SLC30A8: variants seen among roughly 807,000 people sequenced by gnomAD.
SLC30A8 encodes the protein solute carrier family 30 member 8, also known as proton-coupled zinc antiporter SLC30A8.
Under a neutral mutation model 36.9 loss-of-function variants are expected in SLC30A8, and 27 were observed. The observed-to-expected ratio is 0.73, with a 90% CI of 0.54 to 1.01. SLC30A8 has a LOEUF of 1.01. SLC30A8 is among the 50% of genes least tolerant of loss of function. The pLI is 0.00. For synonymous variants in SLC30A8, 164 were observed against 172.4 expected, an observed-to-expected ratio of 0.95 and a Z score of 0.38; for missense variants, 439 against 452.0, an observed-to-expected ratio of 0.97 and a Z score of 0.26.
chr8:117,150,361 C>T (rs1326348820), intron 2 of SLC30A8, among the ~76,000 whole-genome samples: 2 of 152,184 alleles, frequency 1.3e-5, no homozygotes, highest in African/African-American at 4.8e-5. Flanking sequence ...GGGGAATTAA[C>T]ACCATCTCAG....
At chr8:117,080,677 T>C (rs1818647018) in intron 2 of SLC30A8, among the ~76,000 whole-genome samples, 1 of 152,228 alleles carries the variant, frequency 6.6e-6, no homozygotes, top group African/African-American at 2.4e-5. Context: ...CATTCTTTTT[T>C]ATGGCTGCAT....
chr8:117,140,810 A>T (rs1821616954), intron 1 of SLC30A8, among the ~76,000 whole-genome samples: 1 of 152,124 alleles, frequency 6.6e-6, no homozygotes, highest in East Asian at 1.9e-4. Flanking sequence ...ATCATTCCTA[A>T]AAAATAATAG....
intron 2 of SLC30A8, among the ~76,000 whole-genome samples, chr8:117,066,525 C>A (rs1187873839): frequency 6.6e-6 from 1 of 152,068 alleles, no homozygotes; most frequent in Non-Finnish European, 1.5e-5. Flanking sequence ...ATCATCCTGA[C>A]CTCACACTCA....
chr8:116,960,726 T>C (rs1393880538), intron 1 of SLC30A8, among the ~76,000 whole-genome samples: 1 of 152,248 alleles, frequency 6.6e-6, no homozygotes, highest in East Asian at 1.9e-4. Context: ...TCTTTCTACT[T>C]GTGTAGGGTA....
chr8:116,999,687 TCCTGTTTCTGATA>T, intron 1 of SLC30A8, among the ~76,000 whole-genome samples: 1 of 152,322 alleles, frequency 6.6e-6, no homozygotes, highest in Admixed American at 6.5e-5. Flanking sequence ...AAATGAGGTT[TCCTGTTTCTGATA>T]CCATTAGTAT....
chr8:116,956,950 C>G (rs1814227273), intron 1 of SLC30A8, among the ~76,000 whole-genome samples: 1 of 152,156 alleles, frequency 6.6e-6, no homozygotes, highest in African/African-American at 2.4e-5. Context: ...ATCACATTTT[C>G]ATTTAATAAG....
At chr8:117,059,457 A>G (rs1817965920) in intron 2 of SLC30A8, among the ~76,000 whole-genome samples, 1 of 152,220 alleles carries the variant, frequency 6.6e-6, no homozygotes, top group Non-Finnish European at 1.5e-5. Flanking sequence ...ATATTCATGT[A>G]ACATCTACTA....
In SLC30A8 at chr8:117,147,146, G is replaced by A. The variant is rs769647577; in HGVS notation, c.264G>A (p.Glu88=). The change falls in exon 2 of 8, where the codon GAG becomes GAA. Residue 88 remains glutamate, a synonymous_variant. Coordinates refer to ENST00000456015, the MANE Select transcript of SLC30A8 (RefSeq NM_173851.3). Reference sequence around the variant, plus strand: ...TATGCTTCATTTTCATGATTGCAGAGGTCGTGGGTGAGTCTTTCTGCAGAC... The same window carrying A: ...TATGCTTCATTTTCATGATTGCAGAAGTCGTGGGTGAGTCTTTCTGCAGAC... The part of the protein sequence containing the change: ...SAICFIFMIA[E]VVGGHIAGSL... 6.2e-7 allele frequency: 1 copy of A among 1,613,534 alleles called. No individual in the cohort carries two copies. Among genetic ancestry groups the A allele is most frequent in the Admixed American group, 1.7e-5 (1 of 60,020 alleles).
At chr8:116,951,041 A>G (rs1813975844) in exon 1 of SLC30A8, 1 of 152,122 alleles carries the variant, frequency 6.6e-6, no homozygotes, top group Admixed American at 6.5e-5. Flanking sequence ...CCTAAGTAAG[A>G]GATGTTACTT....
intron 1 of SLC30A8, among the ~76,000 whole-genome samples, chr8:117,005,160 A>G (rs527541679): frequency 7.2e-5 from 11 of 152,202 alleles, no homozygotes; most frequent in South Asian, 4.1e-4. Context: ...TCACTCCCCA[A>G]TTCCCACCAA....
At chr8:117,007,317 G>A (rs1816216717) in intron 1 of SLC30A8, among the ~76,000 whole-genome samples, 1 of 152,108 alleles carries the variant, frequency 6.6e-6, no homozygotes, top group East Asian at 1.9e-4. Context: ...GGAGGCATTT[G>A]GTTTTTGATG....
intron 2 of SLC30A8, among the ~76,000 whole-genome samples, chr8:117,058,379 G>T (rs938603342): frequency 6.6e-6 from 1 of 151,986 alleles, no homozygotes; most frequent in Non-Finnish European, 1.5e-5. Context: ...AAAACTTTCT[G>T]GTTTAATGTA....
At chr8:116,966,684 A>G (rs1430765648) in intron 1 of SLC30A8, among the ~76,000 whole-genome samples, 2 of 152,212 alleles carry the variant, frequency 1.3e-5, no homozygotes, top group African/African-American at 2.4e-5. Flanking sequence ...CCTATTTTAG[A>G]AAAGAGTAAT....
At chr8:117,144,179 A>T (rs956538460) in intron 1 of SLC30A8, among the ~76,000 whole-genome samples, 1 of 152,090 alleles carries the variant, frequency 6.6e-6, no homozygotes, top group Non-Finnish European at 1.5e-5. Context: ...GCCACTGGGG[A>T]CCCAAACTAC....
chr8:117,064,740 C>T (rs976225220), intron 2 of SLC30A8, among the ~76,000 whole-genome samples: 3 of 152,232 alleles, frequency 2.0e-5, no homozygotes, highest in African/African-American at 7.2e-5. Context: ...GAGACTTTCT[C>T]TGCGCCAGGA....
intron 2 of SLC30A8, among the ~76,000 whole-genome samples, chr8:117,116,213 G>A (rs188285092): frequency 2.6e-5 from 4 of 152,006 alleles, no homozygotes; most frequent in African/African-American, 9.7e-5. Context: ...ATGGCAAGGC[G>A]TTTGAATTTT....
intron 1 of SLC30A8, among the ~76,000 whole-genome samples, chr8:116,957,262 T>C (rs1814244578): frequency 6.6e-6 from 1 of 151,944 alleles, no homozygotes; most frequent in Non-Finnish European, 1.5e-5. Flanking sequence ...AGCACCATTC[T>C]TTTTTTTATT....
intron 1 of SLC30A8, among the ~76,000 whole-genome samples, chr8:116,962,846 C>G (rs115521936): frequency 6.6e-6 from 1 of 151,808 alleles, no homozygotes; most frequent in Non-Finnish European, 1.5e-5. Flanking sequence ...TTGGGAGCAG[C>G]GTATGGTTAT....
chr8:117,132,740 G>T (rs776379494), upstream of SLC30A8, among the ~76,000 whole-genome samples: 5 of 151,974 alleles, frequency 3.3e-5, no homozygotes, highest in Admixed American at 1.3e-4. Context: ...ATGTTGTGAT[G>T]ACAAAATATT....
Sources: gnomAD v4.1 joint callset for allele counts (sites outside exome capture counted in the v4.1 genomes callset) on GRCh38, gnomAD v4.1.1 for gene constraint, MANE v1.5 for transcripts, NCBI Gene and HGNC (gene_info 2026-07-23, HGNC 2026-07-21) for gene names.